The following B3GAT2 variants were observed in gnomAD, a reference collection of about 807,000 sequenced individuals.
The protein encoded by B3GAT2 is beta-1,3-glucuronyltransferase 2, also known as galactosylgalactosylxylosylprotein 3-beta-glucuronosyltransferase 2.
B3GAT2 carries 26 observed loss-of-function variants against 27.8 expected under a neutral mutation model. The observed-to-expected ratio is 0.93, with a 90% confidence interval of 0.68 to 1.30. The LOEUF is 1.30. B3GAT2 is among the 50% of genes most tolerant of loss of function. B3GAT2 has a pLI of 0.00. For missense variants in B3GAT2, 458 were observed against 459.0 expected, an observed-to-expected ratio of 1.00 and a Z score of 0.02; for synonymous variants, 218 against 195.1, an observed-to-expected ratio of 1.12 and a Z score of -0.98.
chr6:70,916,101 G>A (rs907737576), intron 1 of B3GAT2, among the ~76,000 whole-genome samples: 7 of 151,964 alleles, frequency 4.6e-5, no homozygotes, highest in Non-Finnish European at 8.8e-5. Context: ...AGTTCTCCTT[G>A]AAGAGGTCCT....
intron 1 of B3GAT2, among the ~76,000 whole-genome samples, chr6:70,928,850 C>A (rs560948614): frequency 1.3e-5 from 2 of 152,188 alleles, no homozygotes; most frequent in African/African-American, 2.4e-5. Context: ...CCCAGCCATC[C>A]CATTACTGGG....
intron 1 of B3GAT2, among the ~76,000 whole-genome samples, chr6:70,895,159 C>T (rs1028270222): frequency 2.6e-5 from 4 of 152,196 alleles, no homozygotes; most frequent in Admixed American, 6.5e-5. Context: ...TTAAGCTCCA[C>T]GCACCCTCAC....
chr6:70,868,680 G>A (rs1771889286), intron 2 of B3GAT2, among the ~76,000 whole-genome samples: 1 of 152,094 alleles, frequency 6.6e-6, no homozygotes, highest in Non-Finnish European at 1.5e-5. Context: ...CATGTTTAGT[G>A]TTACCAATAG....
At chr6:70,955,746 C>A in intron 1 of B3GAT2, 93 bp downstream of exon 1, 2 of 1,368,832 alleles carry the variant, frequency 1.5e-6, no homozygotes, top group Non-Finnish European at 1.9e-6. Flanking sequence ...CTCAAAAGTG[C>A]ACCCGGAGTG....
At position 70,858,144 on chromosome 6, in the gene B3GAT2, A is replaced by T; in HGVS notation, c.*3519T>A. 1 of 1,614,022 alleles carries T rather than the reference A, an allele frequency of 6.2e-7. No homozygotes were observed. The highest frequency in any genetic ancestry group is 8.5e-7 in the Non-Finnish European group (1 of 1,179,980). ...CTTCCTCAGAACGTTGTTGGCCCCC[A>T]AGGAGGAATGGTGGGACAAATGGGT... On this transcript the variant is annotated 3_prime_UTR_variant, in exon 4 of 4. Coordinates refer to ENST00000230053, the MANE Select transcript of B3GAT2 (RefSeq NM_080742.3).
chr6:70,945,167 T>C (rs533274755), intron 1 of B3GAT2, among the ~76,000 whole-genome samples: 50 of 152,088 alleles, frequency 3.3e-4, no homozygotes, highest in African/African-American at 1.2e-3. Flanking sequence ...GCAGAGCACC[T>C]CTCCTCCCCC....
chr6:70,873,512 G>GT (rs1416629345), intron 2 of B3GAT2, among the ~76,000 whole-genome samples: 1 of 151,924 alleles, frequency 6.6e-6, no homozygotes, highest in Non-Finnish European at 1.5e-5. Flanking sequence ...TTCATGTTTG[G>GT]TTTTCAACTG....
chr6:70,921,493 C>G (rs1228168389), intron 1 of B3GAT2, among the ~76,000 whole-genome samples: 3 of 152,142 alleles, frequency 2.0e-5, no homozygotes, highest in East Asian at 1.9e-4. Context: ...TTCGTTTCAT[C>G]TCTTGTATTG....
chr6:70,885,416 C>G (rs1265921323), intron 2 of B3GAT2, among the ~76,000 whole-genome samples: 4 of 152,150 alleles, frequency 2.6e-5, no homozygotes, highest in Admixed American at 2.6e-4. Flanking sequence ...GAACACGTAT[C>G]TGCTCCTAAA....
At position 70,857,628 on chromosome 6, in the gene B3GAT2, G is replaced by A; in HGVS notation, c.*4035C>T. 1 of 382,786 alleles carries A rather than the reference G, an allele frequency of 2.6e-6. No homozygotes were observed. The highest frequency in any genetic ancestry group is 4.8e-6 in the Non-Finnish European group (1 of 207,682). 23.7% of individuals were successfully genotyped at this position (382,786 alleles called of 1,614,324 possible). ...ACAAATCAGCAATAAAACAGTGTAT[G>A]ATGTCATGCTACATAGTTTGGTCTT... On this transcript the variant is annotated 3_prime_UTR_variant, in exon 4 of 4. Transcript: ENST00000230053.
In B3GAT2 at chr6:70,860,794, C is replaced by T. The variant is rs1279038091; in HGVS notation, c.*869G>A. ...TAAATGTCTCACTGAGCACTGTTTTCTAGTGTATCAAAATGCTCTTATTTC... is the reference window on the plus strand; with the variant it reads ...TAAATGTCTCACTGAGCACTGTTTTTTAGTGTATCAAAATGCTCTTATTTC... On this transcript the variant is annotated 3_prime_UTR_variant, in exon 4 of 4. Transcript: ENST00000230053. The T allele has an allele frequency of 2.5e-6, 1 of 398,434 alleles. No individual in the cohort carries two copies. Among genetic ancestry groups the T allele is most frequent in the African/African-American group, 2.1e-5 (1 of 48,590 alleles). 24.7% of individuals were successfully genotyped at this position (398,434 alleles called of 1,614,324 possible). A position where few individuals can be genotyped will look rare whatever the true frequency, so the allele number is the denominator to read the frequency against.
chr6:70,953,080 A>G (rs1765600075), intron 1 of B3GAT2, among the ~76,000 whole-genome samples: 1 of 152,248 alleles, frequency 6.6e-6, no homozygotes, highest in African/African-American at 2.4e-5. Flanking sequence ...TGAATAAAAG[A>G]TGAAACCTGA....
At chr6:70,902,373 T>A (rs957015433) in intron 1 of B3GAT2, among the ~76,000 whole-genome samples, 1 of 151,900 alleles carries the variant, frequency 6.6e-6, no homozygotes, top group Non-Finnish European at 1.5e-5. Flanking sequence ...GGGACCCTTG[T>A]ACATGGTTGG....
intron 2 of B3GAT2, among the ~76,000 whole-genome samples, chr6:70,874,998 CT>C (rs200355831): frequency 2.0e-5 from 3 of 148,980 alleles, no homozygotes; most frequent in African/African-American, 7.4e-5. Flanking sequence ...AAGATTTAGC[CT>C]TTTTTAAAAA....
chr6:70,924,283 A>T (rs1772918568), intron 1 of B3GAT2, among the ~76,000 whole-genome samples: 2 of 152,226 alleles, frequency 1.3e-5, no homozygotes, highest in Non-Finnish European at 2.9e-5. Context: ...AAATGGAACA[A>T]AATTCCATAT....
intron 1 of B3GAT2, among the ~76,000 whole-genome samples, chr6:70,895,968 C>A (rs761521031): frequency 1.2e-4 from 19 of 152,104 alleles, no homozygotes; most frequent in Non-Finnish European, 2.5e-4. Context: ...GGGAACACAG[C>A]TTTTGAAACA....
intron 1 of B3GAT2, among the ~76,000 whole-genome samples, chr6:70,901,998 G>A (rs769103207): frequency 2.6e-5 from 4 of 152,210 alleles, no homozygotes; most frequent in East Asian, 1.9e-4. Context: ...ATTTTAGCCC[G>A]TTAGATTTTA....
At chr6:70,943,982 AT>A (rs1765434501) in intron 1 of B3GAT2, among the ~76,000 whole-genome samples, 2 of 152,194 alleles carry the variant, frequency 1.3e-5, no homozygotes, top group African/African-American at 4.8e-5. Context: ...AAATGATAAA[AT>A]TGTAAGGTAA....
chr6:70,902,857 A>C (rs1772529999), intron 1 of B3GAT2, among the ~76,000 whole-genome samples: 1 of 152,044 alleles, frequency 6.6e-6, no homozygotes, highest in Admixed American at 6.6e-5. Context: ...ATAGAAACAG[A>C]AAGTAAAATG....
Sources: gnomAD v4.1 joint callset for allele counts (sites outside exome capture counted in the v4.1 genomes callset) on GRCh38, gnomAD v4.1.1 for gene constraint, MANE v1.5 for transcripts, NCBI Gene and HGNC (gene_info 2026-07-23, HGNC 2026-07-21) for gene names.